Variants in ABI2 observed in about 807,000 individuals in gnomAD.
ABI2 encodes abelson interactor 2.
Under a neutral mutation model 59.2 loss-of-function variants are expected in ABI2, and 25 were observed. That is an observed-to-expected ratio of 0.42 (90% CI 0.31 to 0.59). The LOEUF (loss-of-function observed/expected upper bound fraction) is 0.59. ABI2 is among the 20% of genes least tolerant of loss of function. The pLI is 0.14. For missense variants in ABI2, 545 were observed against 681.8 expected (o/e 0.80, Z 2.23); for synonymous variants, 213 against 235.5 (o/e 0.90, Z 0.87).
At chr2:203,352,893 C>G (rs1034196184) in intron 1 of ABI2, among the ~76,000 whole-genome samples, 2 of 152,208 alleles carry the variant, frequency 1.3e-5, no homozygotes, top group Non-Finnish European at 2.9e-5. Context: ...ACTGTACCTT[C>G]TCTATGTTTA....
In ABI2 at chr2:203,427,897, A is replaced by G. The variant is rs1290646066; in HGVS notation, c.*545A>G. 1 of 152,568 alleles carries G rather than the reference A, an allele frequency of 6.6e-6. No individual in the cohort carries two copies. Among genetic ancestry groups the G allele is most frequent in the Non-Finnish European group, 1.5e-5 (1 of 68,126 alleles). The allele number at this position is 152,568 out of a possible 1,614,324, so 9.5% of individuals were successfully genotyped here. On this transcript the variant is annotated 3_prime_UTR_variant, in exon 12 of 12. Coordinates refer to ENST00000261018, the MANE Select transcript of ABI2 (RefSeq NM_001375670.1). Reference sequence around the variant, plus strand: ...TGGCTTTTTTCCTCTGTGACACTGTAAATTCTGCATTCTCTCAGCACTTGA... The same window carrying G: ...TGGCTTTTTTCCTCTGTGACACTGTGAATTCTGCATTCTCTCAGCACTTGA...
At chr2:203,383,922 A>G (rs1163498872) in intron 4 of ABI2, among the ~76,000 whole-genome samples, 1 of 151,886 alleles carries the variant, frequency 6.6e-6, no homozygotes, top group African/African-American at 2.4e-5. Flanking sequence ...CATTGCTGTC[A>G]TACTTTTTAT....
intron 1 of ABI2, among the ~76,000 whole-genome samples, chr2:203,343,044 A>T (rs559595922): frequency 2.6e-4 from 40 of 152,290 alleles, no homozygotes; most frequent in African/African-American, 8.4e-4. Context: ...GAAAAAGGAG[A>T]ACTTTATTTC....
At chr2:203,343,528 G>A (rs903737398) in intron 1 of ABI2, among the ~76,000 whole-genome samples, 1 of 151,992 alleles carries the variant, frequency 6.6e-6, no homozygotes, top group African/African-American at 2.4e-5. Flanking sequence ...AATAGAGATG[G>A]GGTTGCTCAG....
intron 6 of ABI2, among the ~76,000 whole-genome samples, chr2:203,395,448 T>TATATACACACACACACACAC (rs750379504): frequency 1.0e-4 from 12 of 115,316 alleles, no homozygotes; most frequent in East Asian, 7.2e-4. Flanking sequence ...TATATATATA[T>TATATACACACACACACACAC]ACACACACAC....
At chr2:203,414,485 C>T (rs1371889369) in intron 10 of ABI2, among the ~76,000 whole-genome samples, 3 of 152,178 alleles carry the variant, frequency 2.0e-5, no homozygotes, top group Non-Finnish European at 4.4e-5. Flanking sequence ...AACTCTTACT[C>T]TTCCTTCAGG....
At chr2:203,340,792 A>G (rs2079409830) in intron 1 of ABI2, among the ~76,000 whole-genome samples, 1 of 152,114 alleles carries the variant, frequency 6.6e-6, no homozygotes, top group Non-Finnish European at 1.5e-5. Flanking sequence ...TTAAATATAT[A>G]CAGTTTTTGT....
chr2:203,373,441 A>C (rs988061140), intron 2 of ABI2, among the ~76,000 whole-genome samples: 7 of 151,982 alleles, frequency 4.6e-5, no homozygotes, highest in African/African-American at 1.7e-4. Flanking sequence ...TCGGCATCAG[A>C]GGGAGACCGT....
chr2:203,394,763 A>C lies in ABI2; in HGVS notation c.642A>C (p.Val214=), dbSNP rs773849369. The C allele has an allele frequency of 1.9e-6, 3 of 1,614,056 alleles. No homozygotes were observed. The highest frequency in any genetic ancestry group is 4.5e-5 in the East Asian group (2 of 44,866). ...VRPPVVPNDY[V]PSPTRNMAPS... ...CTCCAGTGGTACCAAATGATTACGT[A>C]CCTAGCCCAACCCGTAATATGGCTC... Residue 214 remains valine, a synonymous_variant, in exon 6 of 12, where the codon GTA becomes GTC. Transcript: ENST00000261018.
chr2:203,399,137 T>C (rs1189827711), intron 8 of ABI2, among the ~76,000 whole-genome samples: 2 of 152,200 alleles, frequency 1.3e-5, no homozygotes, highest in Admixed American at 6.5e-5. Flanking sequence ...TTTTCCAAAA[T>C]GGCTGTATAA....
intron 1 of ABI2, among the ~76,000 whole-genome samples, chr2:203,331,391 C>T (rs1355903548): frequency 7.9e-5 from 10 of 126,020 alleles, no homozygotes; most frequent in Non-Finnish European, 1.5e-4. Context: ...CTCACTCTGT[C>T]GCCCAGGCTA....
intron 1 of ABI2, among the ~76,000 whole-genome samples, chr2:203,335,675 TA>T (rs2152394615): frequency 6.6e-6 from 1 of 152,380 alleles, no homozygotes; most frequent in East Asian, 1.9e-4. Flanking sequence ...GTACTTTTCA[TA>T]TTTGCATAAT....
intron 4 of ABI2, among the ~76,000 whole-genome samples, chr2:203,386,990 C>T (rs1016524076): frequency 1.3e-5 from 2 of 151,082 alleles, no homozygotes; most frequent in African/African-American, 2.4e-5. Flanking sequence ...TTCAGAATAC[C>T]TTTAAAGCAG....
At chr2:203,357,378 A>C (rs1281164810) in intron 1 of ABI2, among the ~76,000 whole-genome samples, 1 of 152,246 alleles carries the variant, frequency 6.6e-6, no homozygotes, top group Non-Finnish European at 1.5e-5. Flanking sequence ...CAGCATTTCT[A>C]GAAACCTCAC....
rs943110280 is a variant in ABI2, at chr2:203,339,580, C to CAA, written c.117+10965_117+10966dup. Among the ~76,000 whole-genome samples the CAA allele has an allele frequency of 5.3e-3, 312 of 59,102 alleles. 2 individuals carry two copies. Among genetic ancestry groups the CAA allele is most frequent in the African/African-American group, 0.018 (285 of 16,040 alleles). The allele number at this position is 59,102 out of a possible 152,430, so 38.8% of individuals were successfully genotyped here. On this transcript the variant is annotated intron_variant, in intron 1 of 11. Coordinates refer to ENST00000261018, the MANE Select transcript of ABI2 (RefSeq NM_001375670.1). ...TGGGCAACAGAGCAAGACTCCGTCT[C>CAA]AAAAAAAAAAAAAAAAAGAAAAAGA...
chr2:203,396,715 A>C lies in ABI2; in HGVS notation c.851-70A>C. 3 of 1,421,256 alleles carry C rather than the reference A, an allele frequency of 2.1e-6. No individual in the cohort carries two copies. In the South Asian group the frequency reaches 4.7e-5, roughly 22 times the overall value. 88.0% of individuals were successfully genotyped at this position (1,421,256 alleles called of 1,614,324 possible). A position where few individuals can be genotyped will look rare whatever the true frequency, so the allele number is the denominator to read the frequency against. On this transcript the variant is annotated intron_variant, in intron 7 of 11. Transcript: ENST00000261018. ...CTGAATATCTAACATTAAATACTCTAATACCTTTTCTAATCCTGCCTCATG... is the reference window on the plus strand; with the variant it reads ...CTGAATATCTAACATTAAATACTCTCATACCTTTTCTAATCCTGCCTCATG...
intron 4 of ABI2, among the ~76,000 whole-genome samples, chr2:203,384,472 AT>A (rs1183148940): frequency 2.0e-5 from 3 of 151,372 alleles, no homozygotes; most frequent in East Asian, 1.9e-4. Context: ...ATGCCTGGCT[AT>A]TTTTTAACAA....
chr2:203,410,669 G>A (rs1580183715), intron 9 of ABI2, among the ~76,000 whole-genome samples: 1 of 152,150 alleles, frequency 6.6e-6, no homozygotes, highest in African/African-American at 2.4e-5. Flanking sequence ...CTCAGAGGAC[G>A]GTTTTGATAC....
At chr2:203,372,334 A>G (rs1174686532) in intron 2 of ABI2, among the ~76,000 whole-genome samples, 1 of 152,236 alleles carries the variant, frequency 6.6e-6, no homozygotes, top group East Asian at 1.9e-4. Context: ...ACTTCTTTCT[A>G]CACAGACACG....
Sources: gnomAD v4.1 joint callset for allele counts (sites outside exome capture counted in the v4.1 genomes callset) on GRCh38, gnomAD v4.1.1 for gene constraint, MANE v1.5 for transcripts, NCBI Gene and HGNC (gene_info 2026-07-23, HGNC 2026-07-21) for gene names.